The following FBXL17 variants were observed in gnomAD, a reference collection of about 807,000 sequenced individuals.
FBXL17 encodes F-box and leucine rich repeat protein 17.
FBXL17 carries 22 observed loss-of-function variants against 66.2 expected under a neutral mutation model. That is an observed-to-expected ratio of 0.33 (90% CI 0.24 to 0.47). FBXL17 has a LOEUF of 0.47. FBXL17 is among the 20% of genes least tolerant of loss of function. FBXL17 has a pLI of 1.00. For missense variants in FBXL17, 878 were observed against 948.2 expected, an observed-to-expected ratio of 0.93 and a Z score of 0.97; for synonymous variants, 474 against 400.5, an observed-to-expected ratio of 1.18 and a Z score of -2.19.
chr5:108,326,620 G>C (rs898317944), intron 4 of FBXL17, among the ~76,000 whole-genome samples: 2 of 151,588 alleles, frequency 1.3e-5, no homozygotes, highest in African/African-American at 4.8e-5. Flanking sequence ...CCAAAAAAAA[G>C]CAAAAGATTT....
rs181696737 is a variant in FBXL17, at chr5:108,296,278, G to C, written c.1506+52121C>G. ...ATAAGGAAAAAGCAAGAGGAGTCAA[G>C]GGGAATCAGGATATGATTCATGATT... On this transcript the variant is annotated intron_variant, in intron 4 of 8. Transcript: ENST00000542267. Among the ~76,000 whole-genome samples the C allele has an allele frequency of 2.9e-3, 437 of 151,840 alleles. 3 individuals are homozygous for C. Among genetic ancestry groups the C allele is most frequent in the African/African-American group, 0.01 (426 of 41,516 alleles).
intron 6 of FBXL17, among the ~76,000 whole-genome samples, chr5:108,030,771 C>G (rs1334429287): frequency 6.6e-6 from 1 of 151,970 alleles, no homozygotes; most frequent in Non-Finnish European, 1.5e-5. Flanking sequence ...TTTCAAAAGT[C>G]ATTAGTGGAA....
At chr5:108,266,643 T>G (rs1435042154) in intron 4 of FBXL17, among the ~76,000 whole-genome samples, 1 of 152,050 alleles carries the variant, frequency 6.6e-6, no homozygotes, top group Non-Finnish European at 1.5e-5. Flanking sequence ...AGTTTTGGAC[T>G]TAAGAAAAAA....
intron 7 of FBXL17, among the ~76,000 whole-genome samples, chr5:107,899,262 A>G (rs947144277): frequency 6.6e-6 from 1 of 152,208 alleles, no homozygotes; most frequent in African/African-American, 2.4e-5. Context: ...TACAATACAT[A>G]TAACATAAAA....
Position 108,163,399 on chromosome 5 carries a change from C to CCT in FBXL17, c.1745+22717_1745+22718insAG, listed in dbSNP as rs1554071043. ...GCAGGACATGAAAACTTTTTTTTTT[C>CCT]TTTTTTTTTTTTTTTTTTTGAGACA... On this transcript the variant is annotated intron_variant, in intron 6 of 8. Transcript: ENST00000542267. 8.6e-4 allele frequency among the ~76,000 whole-genome samples: 111 copies of CCT among 129,554 alleles called. 1 individual carries two copies. Among genetic ancestry groups the CCT allele is most frequent in the African/African-American group, 3.6e-3 (109 of 29,984 alleles). 85.0% of individuals were successfully genotyped at this position (129,554 alleles called of 152,430 possible).
intron 6 of FBXL17, among the ~76,000 whole-genome samples, chr5:108,143,617 C>T (rs928473447): frequency 6.6e-6 from 1 of 151,492 alleles, no homozygotes. Context: ...TATTTTGAAG[C>T]CCAGATAGCT....
At chr5:108,207,689 A>G (rs555790053) in intron 5 of FBXL17, among the ~76,000 whole-genome samples, 5 of 152,302 alleles carry the variant, frequency 3.3e-5, no homozygotes, top group Admixed American at 2.6e-4. Flanking sequence ...TCCATGGTGT[A>G]TATGTGCCAC....
chr5:108,218,016 CTTTTTTT>C (rs752575685), intron 5 of FBXL17, among the ~76,000 whole-genome samples: 1 of 120,132 alleles, frequency 8.3e-6, no homozygotes. Context: ...AATTTTTTTT[CTTTTTTT>C]TTTTTTTTTT....
chr5:108,269,305 T>C (rs1757170120), intron 4 of FBXL17, among the ~76,000 whole-genome samples: 1 of 152,076 alleles, frequency 6.6e-6, no homozygotes. Context: ...GGTGGCATGC[T>C]CTTAAGTTCT....
intron 5 of FBXL17, among the ~76,000 whole-genome samples, chr5:108,222,767 G>A (rs909468031): frequency 4.1e-5 from 6 of 147,360 alleles, no homozygotes; most frequent in African/African-American, 1.0e-4. Flanking sequence ...TCCGCCTCTC[G>A]GGTTTAAGCA....
chr5:108,243,147 A>G (rs1331673923), intron 4 of FBXL17, among the ~76,000 whole-genome samples: 2 of 152,198 alleles, frequency 1.3e-5, no homozygotes. Flanking sequence ...TTGATAAGTT[A>G]TGTGTTAAAG....
chr5:108,222,381 T>C (rs1754903073), intron 5 of FBXL17, among the ~76,000 whole-genome samples: 1 of 152,168 alleles, frequency 6.6e-6, no homozygotes, highest in South Asian at 2.1e-4. Flanking sequence ...AGAAAAACAT[T>C]CATCTACCAA....
At chr5:108,237,753 A>G (rs867283033) in intron 4 of FBXL17, among the ~76,000 whole-genome samples, 15 of 152,180 alleles carry the variant, frequency 9.9e-5, no homozygotes, top group Non-Finnish European at 1.9e-4. Context: ...AACAAGCCCC[A>G]TGTACCCAGA....
intron 7 of FBXL17, among the ~76,000 whole-genome samples, chr5:107,998,282 A>G (rs1290737108): frequency 6.6e-6 from 1 of 152,204 alleles, no homozygotes; most frequent in Non-Finnish European, 1.5e-5. Flanking sequence ...TGTGGCTTCC[A>G]TTAAATTTCC....
At chr5:107,928,732 C>G (rs998602412) in intron 7 of FBXL17, among the ~76,000 whole-genome samples, 1 of 152,106 alleles carries the variant, frequency 6.6e-6, no homozygotes, top group Non-Finnish European at 1.5e-5. Context: ...GAGCAAAAGG[C>G]ATGTATCCCT....
At chr5:108,156,372 T>C (rs1751996819) in intron 6 of FBXL17, among the ~76,000 whole-genome samples, 1 of 151,986 alleles carries the variant, frequency 6.6e-6, no homozygotes, top group South Asian at 2.1e-4. Context: ...ATACTCAACA[T>C]AGGAAAAAAA....
At chr5:108,176,424 T>C (rs944265431) in intron 6 of FBXL17, among the ~76,000 whole-genome samples, 19 of 152,244 alleles carry the variant, frequency 1.2e-4, no homozygotes, top group Middle Eastern at 3.4e-3. Context: ...ATTACTACTA[T>C]TTGTATTTGT....
At chr5:107,942,741 T>C (rs991801691) in intron 7 of FBXL17, among the ~76,000 whole-genome samples, 2 of 150,466 alleles carry the variant, frequency 1.3e-5, no homozygotes, top group South Asian at 2.1e-4. Flanking sequence ...CCATTCTCTG[T>C]GTACAAACAG....
chr5:108,192,008 C>G (rs1261227491), intron 5 of FBXL17, among the ~76,000 whole-genome samples: 1 of 152,138 alleles, frequency 6.6e-6, no homozygotes, highest in Admixed American at 6.6e-5. Context: ...TTCCAAGAGA[C>G]GAATCCCCAG....
Sources: gnomAD v4.1 joint callset for allele counts (sites outside exome capture counted in the v4.1 genomes callset) on GRCh38, gnomAD v4.1.1 for gene constraint, MANE v1.5 for transcripts, NCBI Gene and HGNC (gene_info 2026-07-23, HGNC 2026-07-21) for gene names.